Variants in NRXN3 observed in about 807,000 individuals in gnomAD.
NRXN3 encodes the protein neurexin III.
In NRXN3, 32 loss-of-function variants were observed where a neutral mutation model predicts 137.6. The observed-to-expected ratio is 0.23, with a 90% CI of 0.18 to 0.31. NRXN3 has a LOEUF of 0.31. Ranked by LOEUF, NRXN3 falls within the 10% of genes least tolerant of loss-of-function variation. The pLI, the probability that NRXN3 is intolerant of heterozygous loss-of-function variation, is 1.00. For synonymous variants in NRXN3, 798 were observed against 784.5 expected (o/e 1.02, Z -0.29); for missense variants, 1,574 against 2,062.5 (o/e 0.76, Z 4.59).
intron 15 of NRXN3, among the ~76,000 whole-genome samples, chr14:79,087,746 C>T (rs970233983): frequency 5.3e-5 from 8 of 152,104 alleles, no homozygotes; most frequent in East Asian, 1.9e-4. Flanking sequence ...ACATCTTTAC[C>T]GCATTCTTTT....
At chr14:79,401,047 C>A (rs1298286549) in intron 15 of NRXN3, among the ~76,000 whole-genome samples, 1 of 152,212 alleles carries the variant, frequency 6.6e-6, no homozygotes, top group Admixed American at 6.5e-5. Context: ...CAGGAACACA[C>A]AGGCAGAGTC....
At chr14:78,592,301 T>C (rs2097124465) in intron 4 of NRXN3, among the ~76,000 whole-genome samples, 1 of 152,158 alleles carries the variant, frequency 6.6e-6, no homozygotes, top group Admixed American at 6.5e-5. Flanking sequence ...GCAAAGTCTC[T>C]ACTGAGACTT....
intron 16 of NRXN3, among the ~76,000 whole-genome samples, chr14:79,532,123 A>C (rs542355812): frequency 1.3e-5 from 2 of 152,222 alleles, no homozygotes; most frequent in South Asian, 2.1e-4. Flanking sequence ...ATGTTCTGAA[A>C]ATCTTGTGTT....
In NRXN3 at chr14:78,691,085, A is replaced by G. The variant is rs17108056; in HGVS notation, c.1222-18132A>G. 6.7e-3 allele frequency among the ~76,000 whole-genome samples: 1,028 copies of G among 152,300 alleles called. 6 individuals are homozygous for G. Among genetic ancestry groups the G allele is most frequent in the African/African-American group, 0.023 (946 of 41,554 alleles). On this transcript the variant is annotated intron_variant, in intron 6 of 20. Transcript: ENST00000335750. ...CATCAAAGAGTTACTTGGAAAGTGT[A>G]CAGTCAGGAAACCCAGGAAAAGAGG...
intron 4 of NRXN3, among the ~76,000 whole-genome samples, chr14:78,491,948 G>A (rs959534168): frequency 2.6e-5 from 4 of 152,134 alleles, no homozygotes. Context: ...AGAATGTGAC[G>A]TTTGGGACCA....
chr14:78,581,351 T>C (rs1047948489), intron 4 of NRXN3, among the ~76,000 whole-genome samples: 4 of 152,170 alleles, frequency 2.6e-5, no homozygotes, highest in African/African-American at 9.6e-5. Flanking sequence ...GCACGTTTCA[T>C]GTCTGCTGAG....
chr14:79,330,261 G>C (rs1040137426), intron 15 of NRXN3, among the ~76,000 whole-genome samples: 4 of 152,120 alleles, frequency 2.6e-5, no homozygotes, highest in African/African-American at 9.7e-5. Context: ...TAACAACTTG[G>C]AGTATTAAGA....
intron 4 of NRXN3, among the ~76,000 whole-genome samples, chr14:78,302,253 G>A (rs1402799872): frequency 6.6e-6 from 1 of 152,076 alleles, no homozygotes; most frequent in Non-Finnish European, 1.5e-5. Flanking sequence ...TTTTGCACGT[G>A]AGTATCTTAT....
intron 4 of NRXN3, among the ~76,000 whole-genome samples, chr14:78,594,615 T>G (rs1443547868): frequency 2.6e-5 from 4 of 152,136 alleles, no homozygotes; most frequent in Admixed American, 2.6e-4. Flanking sequence ...AGTTCTAGAT[T>G]CATATTTGGG....
intron 1 of NRXN3, among the ~76,000 whole-genome samples, chr14:78,202,661 C>T (rs1002750547): frequency 2.0e-5 from 3 of 152,140 alleles, no homozygotes; most frequent in African/African-American, 7.2e-5. Flanking sequence ...ATATCAAGGC[C>T]AACCCCTCAC....
intron 6 of NRXN3, among the ~76,000 whole-genome samples, chr14:78,682,567 G>A (rs1413393371): frequency 6.6e-6 from 1 of 152,014 alleles, no homozygotes; most frequent in Non-Finnish European, 1.5e-5. Flanking sequence ...ATTGATTTTA[G>A]CTAATAATAG....
chr14:79,514,567 G>A (rs1474404875), intron 16 of NRXN3, among the ~76,000 whole-genome samples: 1 of 152,102 alleles, frequency 6.6e-6, no homozygotes, highest in South Asian at 2.1e-4. Flanking sequence ...CTTTTCTTGT[G>A]TAGAGATGGG....
At chr14:79,375,814 A>G (rs556226840) in intron 15 of NRXN3, among the ~76,000 whole-genome samples, 11 of 152,126 alleles carry the variant, frequency 7.2e-5, no homozygotes, top group African/African-American at 2.4e-4. Context: ...ACTAAAAGGA[A>G]TTTTAAAAAT....
rs753539185 is a variant in NRXN3, at chr14:78,771,364, TA to T, written c.2045-32255del. The stretch of plus-strand genomic sequence containing the variant: ...AATCTCATTATCATCCACATACATT[TA>T]TTTATCTCCTAATAGGGGCCCATCA... On this transcript the variant is annotated intron_variant, in intron 8 of 20. Coordinates refer to ENST00000335750, the MANE Select transcript of NRXN3 (RefSeq NM_001330195.2). 2.0e-5 allele frequency among the ~76,000 whole-genome samples: 3 copies of T among 152,302 alleles called. No homozygotes were observed. The South Asian group carries it at 6.2e-4, about 32-fold the overall frequency.
chr14:79,317,651 A>G (rs1256249327), intron 15 of NRXN3, among the ~76,000 whole-genome samples: 2 of 152,168 alleles, frequency 1.3e-5, no homozygotes, highest in African/African-American at 4.8e-5. Flanking sequence ...ACCGAATTGT[A>G]TTGTTCTGCT....
At chr14:78,228,807 T>A (rs965636266) in intron 1 of NRXN3, among the ~76,000 whole-genome samples, 3 of 152,080 alleles carry the variant, frequency 2.0e-5, no homozygotes, top group African/African-American at 7.2e-5. Context: ...CCCCTTGAAA[T>A]GTACTACAGG....
At chr14:79,163,035 G>A (rs1177277456) in intron 15 of NRXN3, among the ~76,000 whole-genome samples, 2 of 151,576 alleles carry the variant, frequency 1.3e-5, no homozygotes, top group Non-Finnish European at 2.9e-5. Flanking sequence ...TAACTCTTGA[G>A]TCAGCATTTA....
At chr14:79,273,957 C>T (rs969195268) in intron 15 of NRXN3, among the ~76,000 whole-genome samples, 1 of 151,828 alleles carries the variant, frequency 6.6e-6, no homozygotes, top group Non-Finnish European at 1.5e-5. Flanking sequence ...ATTAGCCGGG[C>T]ATGGTGGTGC....
In NRXN3 at chr14:78,855,979, C is replaced by T. The variant is rs552889914; in HGVS notation, c.2275+45635C>T. Among the ~76,000 whole-genome samples the T allele has an allele frequency of 5.9e-5, 9 of 152,332 alleles. No homozygotes were observed. The South Asian group carries it at 1.9e-3, about 32-fold the overall frequency. On this transcript the variant is annotated intron_variant, in intron 10 of 20. Transcript: ENST00000335750. ...GTAGCTTTCTGACCTGGTCAAGCCA[C>T]TTTACCATCTTTCTGGGTCTTCTTT...
Sources: allele counts gnomAD v4.1 joint callset (sites outside exome capture counted in the v4.1 genomes callset), GRCh38; gene constraint gnomAD v4.1.1; transcripts MANE v1.5; gene names NCBI Gene and HGNC (gene_info 2026-07-23, HGNC 2026-07-21).